STXBP5L: variants seen among roughly 807,000 people sequenced by gnomAD.
STXBP5L encodes syntaxin-binding protein 5-like.
STXBP5L carries 65 observed loss-of-function variants against 144.5 expected under a neutral mutation model. The ratio of observed to expected loss-of-function variants is 0.45; its 90% CI spans 0.37 to 0.55. The LOEUF is 0.55. Among genes scored for constraint, STXBP5L ranks in the 20% least tolerant of loss-of-function variants. The pLI is 0.00. For synonymous variants in STXBP5L, 505 were observed against 469.6 expected, an observed-to-expected ratio of 1.08 and a Z score of -0.97; for missense variants, 1,298 against 1,405.5, an observed-to-expected ratio of 0.92 and a Z score of 1.22.
Position 121,413,173 on chromosome 3 carries a change from C to G in STXBP5L, c.2964C>G (p.Arg988=). ...HIMIMSLPSL[R]PMLDVNYLPL... ...TTCCATTCAGCCTACCTAGTCTTCG[C>G]CCAATGTTGGATGTTAATTATTTGC... Residue 988 remains arginine (R), a synonymous_variant, in exon 24 of 27, where the codon CGC becomes CGG. Transcript: ENST00000471454. 1 of 1,596,714 alleles carries G rather than the reference C, an allele frequency of 6.3e-7. No individual in the cohort carries two copies. Among genetic ancestry groups the G allele is most frequent in the Non-Finnish European group, 8.5e-7 (1 of 1,173,676 alleles).
chr3:121,297,942 G>A (rs1288255010), intron 19 of STXBP5L, among the ~76,000 whole-genome samples: 1 of 152,196 alleles, frequency 6.6e-6, no homozygotes, highest in Non-Finnish European at 1.5e-5. Context: ...TTGAACATGA[G>A]AATGCTAATA....
At chr3:121,141,178 C>A (rs1324620991) in intron 7 of STXBP5L, among the ~76,000 whole-genome samples, 5 of 152,050 alleles carry the variant, frequency 3.3e-5, no homozygotes, top group Non-Finnish European at 7.4e-5. Flanking sequence ...CCAAGCCAGG[C>A]AGATCACCTG....
chr3:120,940,827 T>A (rs1710531874), intron 2 of STXBP5L, among the ~76,000 whole-genome samples: 1 of 151,768 alleles, frequency 6.6e-6, no homozygotes, highest in South Asian at 2.1e-4. Flanking sequence ...TATATTGGTA[T>A]GTATATATAC....
intron 3 of STXBP5L, among the ~76,000 whole-genome samples, chr3:120,979,245 G>C (rs1035472498): frequency 6.6e-6 from 1 of 152,224 alleles, no homozygotes; most frequent in Non-Finnish European, 1.5e-5. Flanking sequence ...GCAAGCCTGG[G>C]CAATGGCAGG....
intron 20 of STXBP5L, among the ~76,000 whole-genome samples, chr3:121,345,598 T>A (rs1404856499): frequency 6.6e-6 from 1 of 152,082 alleles, no homozygotes; most frequent in Non-Finnish European, 1.5e-5. Context: ...TCTTCCACAA[T>A]GGTTGAACTA....
chr3:121,002,665 A>G (rs888001877), intron 3 of STXBP5L, among the ~76,000 whole-genome samples: 1 of 152,056 alleles, frequency 6.6e-6, no homozygotes, highest in Non-Finnish European at 1.5e-5. Context: ...TTAACTTGTC[A>G]TTTTACATTA....
intron 7 of STXBP5L, among the ~76,000 whole-genome samples, chr3:121,125,102 G>T (rs1203101998): frequency 6.6e-6 from 1 of 152,100 alleles, no homozygotes; most frequent in Non-Finnish European, 1.5e-5. Context: ...CTTGGAAGGG[G>T]AAAGCTTCCC....
chr3:121,196,985 TTTTTC>T (rs1175830899), intron 9 of STXBP5L, among the ~76,000 whole-genome samples: 4 of 152,168 alleles, frequency 2.6e-5, no homozygotes, highest in East Asian at 1.9e-4. Flanking sequence ...GCTCAGCCTT[TTTTTC>T]TTTTCTTTTC....
intron 5 of STXBP5L, among the ~76,000 whole-genome samples, chr3:121,091,932 C>T (rs1334749207): frequency 1.3e-5 from 2 of 152,034 alleles, no homozygotes; most frequent in African/African-American, 2.4e-5. Flanking sequence ...GTCTTTAATT[C>T]ATCTTGAATT....
intron 16 of STXBP5L, among the ~76,000 whole-genome samples, chr3:121,256,753 A>G (rs2108379978): frequency 6.6e-6 from 1 of 151,934 alleles, no homozygotes; most frequent in African/African-American, 2.4e-5. Context: ...TATATGAAAA[A>G]AGTTTAATTT....
At chr3:120,909,202 C>A in intron 1 of STXBP5L, 1 of 173,468 alleles carries the variant, frequency 5.8e-6, no homozygotes. Flanking sequence ...GTCTGTTGAA[C>A]TCTGGTTTGA....
At chr3:121,026,740 G>A (rs1045995534) in intron 3 of STXBP5L, among the ~76,000 whole-genome samples, 1 of 151,750 alleles carries the variant, frequency 6.6e-6, no homozygotes, top group African/African-American at 2.4e-5. Context: ...ACTAAAAGAG[G>A]AAGAAAAAGT....
At chr3:121,365,411 T>C (rs1334369256) in intron 20 of STXBP5L, among the ~76,000 whole-genome samples, 1 of 78,068 alleles carries the variant, frequency 1.3e-5, no homozygotes, top group African/African-American at 5.7e-5. Context: ...TTCTTTTTTT[T>C]TAATCAGAAG....
At chr3:121,131,098 T>G (rs2044968996) in intron 7 of STXBP5L, among the ~76,000 whole-genome samples, 1 of 152,120 alleles carries the variant, frequency 6.6e-6, no homozygotes, top group Non-Finnish European at 1.5e-5. Flanking sequence ...AACATGCTAG[T>G]TCTTTGAATA....
intron 5 of STXBP5L, among the ~76,000 whole-genome samples, chr3:121,059,977 T>G (rs1378158983): frequency 6.6e-6 from 1 of 152,196 alleles, no homozygotes. Flanking sequence ...TTTGCTTGCC[T>G]GATTGCCCTG....
At chr3:121,283,591 A>G (rs1259538341) in intron 19 of STXBP5L, among the ~76,000 whole-genome samples, 1 of 152,074 alleles carries the variant, frequency 6.6e-6, no homozygotes, top group African/African-American at 2.4e-5. Context: ...TTATTGGAAC[A>G]TAGTCCCAAT....
At position 121,246,194 on chromosome 3, in the gene STXBP5L, G is replaced by A. The variant is rs536033880; in HGVS notation, c.1401-4529G>A. 1.7e-3 allele frequency among the ~76,000 whole-genome samples: 265 copies of A among 152,282 alleles called. 1 individual carries two copies. Among genetic ancestry groups the A allele is most frequent in the African/African-American group, 5.6e-3 (231 of 41,558 alleles). On this transcript the variant is annotated intron_variant, in intron 14 of 26. Transcript: ENST00000471454. ...CAGCATTGGATTCTCATAGGAGTAC[G>A]AACCCTATTGTGAACTGCACATGCA...
chr3:120,978,240 G>A lies in STXBP5L; in HGVS notation c.287+23203G>A, dbSNP rs145968941. On this transcript the variant is annotated intron_variant, in intron 3 of 26. Transcript: ENST00000471454. The stretch of plus-strand genomic sequence containing the variant: ...CCCATATTTCTTGGAGGCTTTGTTC[G>A]TTTCTTTTTATTCTTTTTTCTCTAA... Among the ~76,000 whole-genome samples the A allele has an allele frequency of 3.2e-3, 489 of 152,144 alleles. 3 individuals are homozygous for A. The highest frequency in any genetic ancestry group is 5.5e-3 in the Non-Finnish European group (376 of 67,988).
At chr3:121,160,908 T>C (rs1283284899) in intron 9 of STXBP5L, among the ~76,000 whole-genome samples, 2 of 152,154 alleles carry the variant, frequency 1.3e-5, no homozygotes, top group East Asian at 3.8e-4. Flanking sequence ...TCCTTAACTA[T>C]TCAAAGCCTA....
Sources: gnomAD v4.1 joint callset for allele counts (sites outside exome capture counted in the v4.1 genomes callset) on GRCh38, gnomAD v4.1.1 for gene constraint, MANE v1.5 for transcripts, NCBI Gene and HGNC (gene_info 2026-07-23, HGNC 2026-07-21) for gene names.